The following RNF126 variants were observed in gnomAD, a reference collection of about 807,000 sequenced individuals.
RNF126 encodes ring finger protein 126, also known as E3 ubiquitin-protein ligase RNF126.
A neutral mutation model predicts 41.9 loss-of-function variants in RNF126; 20 were observed. That is an observed-to-expected ratio of 0.48 (90% CI 0.34 to 0.69). The LOEUF is 0.69. RNF126 is among the 30% of genes least tolerant of loss of function. RNF126 has a pLI of 0.01. For synonymous variants in RNF126, 239 were observed against 202.9 expected (o/e 1.18, Z -1.51); for missense variants, 433 against 460.6 (o/e 0.94, Z 0.55).
chr19:652,751 C>A, intron 2 of RNF126, 75 bp downstream of exon 2: 1 of 1,413,150 alleles, frequency 7.1e-7, no homozygotes, highest in South Asian at 1.2e-5. Flanking sequence ...GGGCGGACGC[C>A]AGCACAGCCC....
chr19:656,045 C>T (rs1202859783), intron 1 of RNF126, among the ~76,000 whole-genome samples: 3 of 151,282 alleles, frequency 2.0e-5, no homozygotes, highest in Non-Finnish European at 4.4e-5. Context: ...GGGGAGGGGA[C>T]GGGGAGTGAC....
At chr19:652,947 G>C (rs1288902638) in intron 1 of RNF126, 63 bp from the exon 2 acceptor site, 15 of 1,506,380 alleles carry the variant, frequency 1.0e-5, no homozygotes, top group Admixed American at 5.3e-5. Flanking sequence ...ACCCCCCCAA[G>C]TGTGAGGACA....
At chr19:660,501 C>T (rs972734946) in intron 1 of RNF126, among the ~76,000 whole-genome samples, 12 of 152,214 alleles carry the variant, frequency 7.9e-5, no homozygotes, top group Non-Finnish European at 1.6e-4. Flanking sequence ...ACTCAGCCGC[C>T]GGGCAAGCTC....
intron 1 of RNF126, among the ~76,000 whole-genome samples, chr19:653,271 A>G (rs1161064119): frequency 6.6e-6 from 1 of 152,112 alleles, no homozygotes; most frequent in African/African-American, 2.4e-5. Context: ...TGGCATTTCC[A>G]GGACGCTCTG....
At chr19:660,618 G>A (rs1453054312) in intron 1 of RNF126, among the ~76,000 whole-genome samples, 2 of 152,136 alleles carry the variant, frequency 1.3e-5, no homozygotes, top group Non-Finnish European at 2.9e-5. Flanking sequence ...CGCCAGGTGT[G>A]CCCATTTCCC....
At chr19:662,997 C>G (rs1183803817) in intron 1 of RNF126, 50 bp downstream of exon 1, 1 of 1,033,794 alleles carries the variant, frequency 9.7e-7, no homozygotes, top group African/African-American at 1.7e-5. Flanking sequence ...GGCCTTGCCT[C>G]AGGCCTGCGG....
At chr19:649,817 C>CA in intron 5 of RNF126, 69 bp from the exon 6 acceptor site, 1 of 1,275,880 alleles carries the variant, frequency 7.8e-7, no homozygotes, top group East Asian at 2.5e-5. Flanking sequence ...CCACCCCACT[C>CA]ACCAGGGGCC....
rs983061195 is a variant in RNF126 at position 662,601 on chromosome 19, T to C, written c.75+446A>G. Among the ~76,000 whole-genome samples the C allele has an allele frequency of 6.1e-4, 93 of 151,984 alleles. 1 individual carries two copies. Among genetic ancestry groups the C allele is most frequent in the African/African-American group, 2.1e-3 (87 of 41,386 alleles). Reference sequence around the variant, plus strand: ...CGGCGGGGGTCCCCTGGCGTTATTCTCGGGGTCCGAGCCCCGCCAGGCCCA... The same window carrying C: ...CGGCGGGGGTCCCCTGGCGTTATTCCCGGGGTCCGAGCCCCGCCAGGCCCA... On this transcript the variant is annotated intron_variant, in intron 1 of 8. Transcript: ENST00000292363.
In RNF126 at chr19:650,168, A is replaced by G. The variant is rs564641674; in HGVS notation, c.506+66T>C. 2,604 of 1,330,540 alleles carry G rather than the reference A, an allele frequency of 2.0e-3. 59 individuals are homozygous for G. The African/African-American group carries it at 0.038, about 19-fold the overall frequency. 82.4% of individuals were successfully genotyped at this position (1,330,540 alleles called of 1,614,324 possible). ...AGGGACCCTGGCTGGGGATGGGGAC[A>G]GGCACCCCCACCCACTCACCAGGGA... is the stretch of plus-strand genomic sequence containing the variant. On this transcript the variant is annotated intron_variant, in intron 5 of 8. Transcript: ENST00000292363.
At chr19:649,779 G>C (rs1394262337) in intron 5 of RNF126, 31 bp from the exon 6 acceptor site, 1 of 1,534,180 alleles carries the variant, frequency 6.5e-7, no homozygotes, top group South Asian at 1.2e-5. Flanking sequence ...TCAAGTGGCT[G>C]ACGGGCAGCT....
intron 1 of RNF126, among the ~76,000 whole-genome samples, chr19:656,359 C>T (rs1266755555): frequency 6.6e-6 from 1 of 151,638 alleles, no homozygotes; most frequent in Non-Finnish European, 1.5e-5. Flanking sequence ...AAGAAAGAAA[C>T]AAAGAAAAAA....
chr19:649,313 G>C (rs1415522715), intron 6 of RNF126: 1 of 331,330 alleles, frequency 3.0e-6, no homozygotes, highest in Non-Finnish European at 5.5e-6. Context: ...GGTCCTGCCA[G>C]TGACAAAATG....
rs748606659 is a variant in RNF126, at chr19:651,631, T to A, written c.423A>T (p.Glu141Asp). The part of the protein sequence containing the change: ...LTTRRATGRH[E>D]GVPTLEGIIQ... ...CTCACCCTTCCAGCGTGGGGACGCC[T>A]TCGTGCCGGCCGGTGGCCCGCCGCG... is the stretch of plus-strand genomic sequence containing the variant. Residue 141 changes from glutamate (E) to aspartate (D), a missense_variant, in exon 4 of 9, where the codon GAA becomes GAT. Coordinates refer to ENST00000292363, the MANE Select transcript of RNF126 (RefSeq NM_194460.3). The A allele has an allele frequency of 6.8e-7, 1 of 1,467,704 alleles. No homozygotes were observed. 90.9% of individuals were successfully genotyped at this position (1,467,704 alleles called of 1,614,324 possible).
At chr19:650,164 G>C (rs1434414521) in intron 5 of RNF126, 70 bp downstream of exon 5, 1 of 1,313,024 alleles carries the variant, frequency 7.6e-7, no homozygotes, top group Non-Finnish European at 1.0e-6. Context: ...CTGGGGATGG[G>C]GACAGGCACC....
chr19:650,946 C>G, intron 4 of RNF126, among the ~76,000 whole-genome samples: 1 of 152,286 alleles, frequency 6.6e-6, no homozygotes, highest in East Asian at 1.9e-4. Flanking sequence ...TCAGGCTGGT[C>G]TTAAACTCCT....
chr19:648,955 G>A lies in RNF126; in HGVS notation c.597C>T (p.Asn199=), dbSNP rs371844525. The A allele has an allele frequency of 2.1e-6, 3 of 1,420,966 alleles. No individual in the cohort carries two copies. Among genetic ancestry groups the A allele is most frequent in the Non-Finnish European group, 2.8e-6 (3 of 1,086,312 alleles). 88.0% of individuals were successfully genotyped at this position (1,420,966 alleles called of 1,614,324 possible). The change falls in exon 7 of 9, where the codon AAC becomes AAT. Residue 199 remains asparagine (N), a synonymous_variant. Transcript: ENST00000292363. The part of the protein sequence containing the change: ...IITQLLNQFE[N]TGPPPADKEK... ...CTTTATCTGCCGGTGGGGGGCCTGT[G>A]TTTTCAAACTGATTGAGGAGCTGAA...
In RNF126 at chr19:659,204, C is replaced by A. The variant is rs749702703; in HGVS notation, c.75+3843G>T. Among the ~76,000 whole-genome samples, 1 of 152,164 alleles carries A rather than the reference C, an allele frequency of 6.6e-6. No individual in the cohort carries two copies. The highest frequency in any genetic ancestry group is 1.5e-5 in the Non-Finnish European group (1 of 68,024). ...AGAGCAAGCAGCGGCCAGAGACAGA[C>A]CCAGGCCGTCTTCTGAAGACTCGGG... On this transcript the variant is annotated intron_variant, in intron 1 of 8. Coordinates refer to ENST00000292363, the MANE Select transcript of RNF126 (RefSeq NM_194460.3). This position sits in a 1 kb window ranked among gnomAD's most constrained non-coding sequence, Gnocchi z 4.9.
At position 652,126 on chromosome 19, in the gene RNF126, C is replaced by T. The variant is rs148724293; in HGVS notation, c.198+107G>A. On this transcript the variant is annotated intron_variant, in intron 3 of 8. Transcript: ENST00000292363. ...GGCCCCTGGAGGGAAAAATTTCCTC[C>T]GCCGTGCGGGCAGGGAGAGCCGGGG... 1.8e-3 allele frequency: 1,777 copies of T among 999,028 alleles called. 18 individuals are homozygous for T. The African/African-American group carries it at 0.025, about 14-fold the overall frequency. 61.9% of individuals were successfully genotyped at this position (999,028 alleles called of 1,614,324 possible). A position where few individuals can be genotyped will look rare whatever the true frequency, so the allele number is the denominator to read the frequency against.
intron 4 of RNF126, chr19:651,390 G>A (rs2030278993): frequency 2.4e-6 from 1 of 419,282 alleles, no homozygotes; most frequent in East Asian, 4.2e-5. Context: ...GGCACACGGT[G>A]CCCCACTCTG....
Sources: allele counts gnomAD v4.1 joint callset (sites outside exome capture counted in the v4.1 genomes callset), GRCh38; gene constraint gnomAD v4.1.1; non-coding constraint Gnocchi (gnomAD v3.1); transcripts MANE v1.5; gene names NCBI Gene and HGNC (gene_info 2026-07-23, HGNC 2026-07-21).